The following ARPP21 variants were observed in gnomAD, a reference collection of about 807,000 sequenced individuals.
ARPP21 encodes cAMP-regulated phosphoprotein 21.
A neutral mutation model predicts 113.2 loss-of-function variants in ARPP21; 69 were observed. The observed-to-expected ratio is 0.61, with a 90% CI of 0.50 to 0.74. The LOEUF (loss-of-function observed/expected upper bound fraction) is 0.74. ARPP21 is among the 30% of genes least tolerant of loss of function. The pLI is 0.00. For missense variants in ARPP21, 1,070 were observed against 1,037.4 expected (o/e 1.03, Z -0.43); for synonymous variants, 368 against 375.5 (o/e 0.98, Z 0.23).
intron 19 of ARPP21, among the ~76,000 whole-genome samples, chr3:35,769,780 A>T (rs1408082853): frequency 6.6e-6 from 1 of 152,188 alleles, no homozygotes; most frequent in Non-Finnish European, 1.5e-5. Context: ...AGAAAAGAAC[A>T]CATTCCCGTA....
At chr3:35,730,493 G>A (rs759785885) in intron 15 of ARPP21, among the ~76,000 whole-genome samples, 11 of 152,136 alleles carry the variant, frequency 7.2e-5, no homozygotes, top group African/African-American at 1.7e-4. Context: ...AAGATTATCC[G>A]GAACAAAATG....
intron 19 of ARPP21, among the ~76,000 whole-genome samples, chr3:35,748,086 GAAAGAA>G (rs1248211889): frequency 1.7e-5 from 2 of 120,482 alleles, no homozygotes; most frequent in South Asian, 2.6e-4. Context: ...AAGAAAGAAA[GAAAGAA>G]AGAAAGAAAG....
intron 1 of ARPP21, among the ~76,000 whole-genome samples, chr3:35,663,601 A>T (rs1232586314): frequency 6.6e-6 from 1 of 152,044 alleles, no homozygotes; most frequent in Non-Finnish European, 1.5e-5. Flanking sequence ...TCGGAGACAG[A>T]TCTGGAGGGA....
chr3:35,752,487 T>C (rs1330602836), intron 19 of ARPP21, among the ~76,000 whole-genome samples: 1 of 152,064 alleles, frequency 6.6e-6, no homozygotes, highest in Non-Finnish European at 1.5e-5. Context: ...TTCAATTCCC[T>C]CTAGCTCTTC....
At chr3:35,646,953 CTT>C (rs1345636892) in intron 1 of ARPP21, among the ~76,000 whole-genome samples, 1 of 152,050 alleles carries the variant, frequency 6.6e-6, no homozygotes. Context: ...GGTCACAACA[CTT>C]TTTTGTGTGG....
chr3:35,772,014 C>T (rs934679191), intron 19 of ARPP21, among the ~76,000 whole-genome samples: 2 of 151,978 alleles, frequency 1.3e-5, no homozygotes, highest in Non-Finnish European at 2.9e-5. Context: ...TTTTTAACAA[C>T]TTAATATCAG....
At chr3:35,766,074 A>G (rs2095963178) in intron 19 of ARPP21, among the ~76,000 whole-genome samples, 2 of 152,112 alleles carry the variant, frequency 1.3e-5, no homozygotes, top group African/African-American at 4.8e-5. Context: ...TACCCCCTCT[A>G]TTATTTATGT....
intron 1 of ARPP21, among the ~76,000 whole-genome samples, chr3:35,665,993 G>C (rs1013507821): frequency 1.3e-5 from 2 of 152,050 alleles, no homozygotes; most frequent in African/African-American, 4.8e-5. Context: ...CAACTGGGCT[G>C]TGCCCATATC....
intron 8 of ARPP21, among the ~76,000 whole-genome samples, chr3:35,690,526 A>C (rs2081945873): frequency 6.6e-6 from 1 of 151,538 alleles, no homozygotes; most frequent in Non-Finnish European, 1.5e-5. Context: ...CTCCATATAG[A>C]CATCTGCAAT....
chr3:35,649,671 G>A (rs147301488), intron 1 of ARPP21, among the ~76,000 whole-genome samples: 56 of 152,178 alleles, frequency 3.7e-4, no homozygotes, highest in Admixed American at 7.2e-4. Flanking sequence ...AGGGGTGAGG[G>A]ACAAAGGGAG....
At chr3:35,771,431 C>T (rs559567219) in intron 19 of ARPP21, among the ~76,000 whole-genome samples, 7 of 152,028 alleles carry the variant, frequency 4.6e-5, no homozygotes, top group African/African-American at 1.7e-4. Flanking sequence ...TGGGTTCAAG[C>T]GATTCTCCTG....
Position 35,737,362 on chromosome 3 carries a change from G to T in ARPP21, c.1644G>T (p.Gln548His). ...AGATGGCAGGCCCTCTGGTCACTCA[G>T]GTAGGGGGCTGGTTGGAAGGCAGGG... ...QPQMAGPLVTQSVQGLQASSQ... is the reference protein window; with the variant it reads ...QPQMAGPLVTHSVQGLQASSQ... Residue 548 changes from glutamine to histidine, a missense_variant and splice_region_variant, in exon 16 of 21, where the codon CAG (glutamine) becomes CAT (histidine). By Grantham distance (24) the Gln-to-His change is conservative. Coordinates refer to ENST00000684406, the MANE Select transcript of ARPP21 (RefSeq NM_001385562.1). 1 of 1,600,796 alleles carries T rather than the reference G, an allele frequency of 6.2e-7. No homozygotes were observed. Among genetic ancestry groups the T allele is most frequent in the Non-Finnish European group, 8.5e-7 (1 of 1,171,128 alleles).
chr3:35,772,480 G>A (rs913837052), intron 19 of ARPP21, among the ~76,000 whole-genome samples: 2 of 152,132 alleles, frequency 1.3e-5, no homozygotes, highest in Non-Finnish European at 2.9e-5. Context: ...AATGTCATGA[G>A]CTGATATTCA....
chr3:35,658,611 A>G (rs998614058), intron 1 of ARPP21, among the ~76,000 whole-genome samples: 1 of 152,158 alleles, frequency 6.6e-6, no homozygotes, highest in Admixed American at 6.6e-5. Flanking sequence ...TCCTGATGAC[A>G]TACCCATAAG....
At chr3:35,715,526 T>C (rs747870511) in intron 12 of ARPP21, 50 bp downstream of exon 12, 4 of 1,414,986 alleles carry the variant, frequency 2.8e-6, no homozygotes, top group South Asian at 1.2e-5. Flanking sequence ...ACGTCTGTCA[T>C]GTGTGTCTTG....
chr3:35,690,324 T>C (rs1313394467), intron 8 of ARPP21, among the ~76,000 whole-genome samples, 184 bp downstream of exon 8: 1 of 151,498 alleles, frequency 6.6e-6, no homozygotes, highest in African/African-American at 2.4e-5. Context: ...GCTTGGACCA[T>C]GTGTGCTTCT....
Position 35,737,264 on chromosome 3 carries a change from C to A in ARPP21, c.1546C>A (p.Gln516Lys). The A allele has an allele frequency of 6.2e-7, 1 of 1,612,102 alleles. No homozygotes were observed. Among genetic ancestry groups the A allele is most frequent in the Non-Finnish European group, 8.5e-7 (1 of 1,178,454 alleles). Residue 516 changes from glutamine (Q) to lysine (K), a missense_variant, in exon 16 of 21, where the codon CAG becomes AAG. Transcript: ENST00000684406. ...QQPLRSAMVG[Q>K]SQQQPPQQQP... is the part of the protein sequence containing the mutation. ...GCCCCTGCGAAGCGCCATGGTGGGGCAGTCCCAACAGCAGCCACCACAGCA... is the reference window on the plus strand; with the variant it reads ...GCCCCTGCGAAGCGCCATGGTGGGGAAGTCCCAACAGCAGCCACCACAGCA...
chr3:35,659,389 T>C (rs1706589879), intron 1 of ARPP21, among the ~76,000 whole-genome samples: 1 of 152,176 alleles, frequency 6.6e-6, no homozygotes, highest in Non-Finnish European at 1.5e-5. Context: ...TTTAAGCAAT[T>C]GAAAAATTAA....
chr3:35,784,416 C>A (rs150084694), intron 19 of ARPP21, among the ~76,000 whole-genome samples: 1 of 152,134 alleles, frequency 6.6e-6, no homozygotes, highest in African/African-American at 2.4e-5. Flanking sequence ...CACAAATCAG[C>A]GCTTTTGTTT....
Sources: gnomAD v4.1 joint callset for allele counts (sites outside exome capture counted in the v4.1 genomes callset) on GRCh38, gnomAD v4.1.1 for gene constraint, MANE v1.5 for transcripts, NCBI Gene and HGNC (gene_info 2026-07-23, HGNC 2026-07-21) for gene names.